RBM12: variants seen among roughly 807,000 people sequenced by gnomAD.
The protein encoded by RBM12 is RNA binding motif protein 12.
RBM12 carries 24 observed loss-of-function variants against 37.2 expected under a neutral mutation model. The observed-to-expected ratio is 0.65, with a 90% CI of 0.47 to 0.91. The LOEUF (loss-of-function observed/expected upper bound fraction) is 0.91, where lower values mean the gene tolerates loss of function less well. Ranked by LOEUF, RBM12 falls within the 40% of genes least tolerant of loss-of-function variation. The pLI, the probability that RBM12 is intolerant of heterozygous loss-of-function variation, is 0.00. For missense variants in RBM12, 1,061 were observed against 1,183.2 expected, an observed-to-expected ratio of 0.90 and a Z score of 1.52; for synonymous variants, 420 against 425.2, an observed-to-expected ratio of 0.99 and a Z score of 0.15.
chr20:35,658,802 AACACACAC>A (rs10542710), intron 2 of RBM12, 120 bp downstream of exon 2: 4,995 of 473,434 alleles, frequency 0.011, 24 homozygotes, highest in East Asian at 0.037. Context: ...AGCAAACAAA[AACACACAC>A]ACACACACAC....
In RBM12 at chr20:35,654,485, A is replaced by G. The variant is rs2033764356; in HGVS notation, c.838T>C (p.Leu280=). 6.2e-7 allele frequency: 1 copy of G among 1,614,206 alleles called. No homozygotes were observed. Among genetic ancestry groups the G allele is most frequent in the East Asian group, 2.2e-5 (1 of 44,878 alleles). ...NNLNPMFLGP[L]NPVNPIQMNS... The stretch of plus-strand genomic sequence containing the variant: ...ATCTGGATAGGGTTAACAGGATTCA[A>G]CGGACCAAGAAACATAGGATTCAGA... The change falls in exon 3 of 3, where the codon TTG becomes CTG. Residue 280 remains leucine, a synonymous_variant. Coordinates refer to ENST00000374114, the MANE Select transcript of RBM12 (RefSeq NM_006047.6).
At chr20:35,658,634 G>A (rs1254849408) in intron 2 of RBM12, among the ~76,000 whole-genome samples, 1 of 151,996 alleles carries the variant, frequency 6.6e-6, no homozygotes, top group Non-Finnish European at 1.5e-5. Context: ...GGTGGCAGGC[G>A]CCTGTAATCC....
chr20:35,654,636 A>C lies in RBM12; in HGVS notation c.687T>G (p.Val229=). The C allele has an allele frequency of 6.2e-7, 1 of 1,614,084 alleles. No homozygotes were observed. The highest frequency in any genetic ancestry group is 8.5e-7 in the Non-Finnish European group (1 of 1,179,988). The stretch of plus-strand genomic sequence containing the variant: ...GTGGGGTCATGGGTGGCACAGAAGG[A>C]ACTGGGGGAATCGGGGGCACAGGAG... ...PVPPVPPIPP[V]PSVPPMTPLP... is the part of the protein sequence containing the mutation. The change falls in exon 3 of 3, where the codon GTT becomes GTG. Residue 229 remains valine (V), a synonymous_variant. Coordinates refer to ENST00000374114, the MANE Select transcript of RBM12 (RefSeq NM_006047.6).
chr20:35,653,730 C>A lies in RBM12; in HGVS notation c.1593G>T (p.Met531Ile). The A allele has an allele frequency of 2.5e-6, 4 of 1,614,210 alleles. No individual in the cohort carries two copies. Among genetic ancestry groups the A allele is most frequent in the Non-Finnish European group, 3.4e-6 (4 of 1,180,040 alleles). The change falls in exon 3 of 3, where the codon ATG becomes ATT. Residue 531 changes from methionine to isoleucine, a missense_variant. By Grantham distance (10) the Met-to-Ile change is conservative. This residue lies in a region of RBM12 where 517 missense variants were observed against 534.0 expected (regional missense o/e 0.97). Transcript: ENST00000374114. ...TGACATCCCCCTCTGGATTTAGTAT[C>A]ATTTCCCTCTGGTCATAGCTGAAGT... is the stretch of plus-strand genomic sequence containing the variant. ...LQNFSYDQRE[M>I]ILNPEGDVNS...
chr20:35,649,760 A>T lies in RBM12; in HGVS notation c.*2764T>A, dbSNP rs997431664. The T allele has an allele frequency of 2.7e-5, 4 of 149,606 alleles. No homozygotes were observed. The South Asian group carries it at 6.3e-4, about 24-fold the overall frequency. 9.3% of individuals were successfully genotyped at this position (149,606 alleles called of 1,614,324 possible). ...AATCAAAAGAAAAATGAACACCAATAAAAAAAAAATCAGAAGGGAGAGGAA... is the reference window on the plus strand; with the variant it reads ...AATCAAAAGAAAAATGAACACCAATTAAAAAAAAATCAGAAGGGAGAGGAA... On this transcript the variant is annotated 3_prime_UTR_variant, in exon 3 of 3. Coordinates refer to ENST00000374114, the MANE Select transcript of RBM12 (RefSeq NM_006047.6).
At chr20:35,659,504 AT>A (rs2146372421) in intron 1 of RBM12, among the ~76,000 whole-genome samples, 1 of 152,354 alleles carries the variant, frequency 6.6e-6, no homozygotes, top group South Asian at 2.1e-4. Flanking sequence ...AATATATTTT[AT>A]TTTGCACAAA....
In RBM12 at chr20:35,654,759, T is replaced by C. The variant is rs765772567; in HGVS notation, c.564A>G (p.Pro188=). ...GCATCGCTGGAATTGGAGGAATTGGTGGCGGCGGGACTGTGTTCATTGGAG... is the reference window on the plus strand; with the variant it reads ...GCATCGCTGGAATTGGAGGAATTGGCGGCGGCGGGACTGTGTTCATTGGAG... The part of the protein sequence containing the change: ...TASPMNTVPP[P]PIPPIPAMPS... Residue 188 remains proline, a synonymous_variant, in exon 3 of 3, where the codon CCA becomes CCG. Coordinates refer to ENST00000374114, the MANE Select transcript of RBM12 (RefSeq NM_006047.6). 1.1e-5 allele frequency: 18 copies of C among 1,613,814 alleles called. No homozygotes were observed. Among genetic ancestry groups the C allele is most frequent in the Non-Finnish European group, 1.4e-5 (17 of 1,179,766 alleles).
In RBM12 at chr20:35,660,740, C is replaced by A. The variant is rs543611123; in HGVS notation, c.-107-1726G>T. The stretch of plus-strand genomic sequence containing the variant: ...CTAGAACTTGTAATAAACATCTGAT[C>A]CCTACTGGAGATTCCAATTCAAAAG... On this transcript the variant is annotated intron_variant, in intron 1 of 2. Coordinates refer to ENST00000374114, the MANE Select transcript of RBM12 (RefSeq NM_006047.6). Among the ~76,000 whole-genome samples, 14 of 152,264 alleles carry A rather than the reference C, an allele frequency of 9.2e-5. No homozygotes were observed. The South Asian group carries it at 2.9e-3, about 32-fold the overall frequency.
chr20:35,656,531 TTTTA>T (rs968063938), intron 2 of RBM12, among the ~76,000 whole-genome samples: 1 of 152,164 alleles, frequency 6.6e-6, no homozygotes, highest in African/African-American at 2.4e-5. Flanking sequence ...AAAAGTCAAC[TTTTA>T]TTTATTTATT....
At chr20:35,663,531 T>C (rs944079768) in intron 1 of RBM12, among the ~76,000 whole-genome samples, 1 of 152,180 alleles carries the variant, frequency 6.6e-6, no homozygotes, top group African/African-American at 2.4e-5. Context: ...TATTGAATAA[T>C]ATAAAACGGT....
rs1406889128 is a variant in RBM12, at chr20:35,651,514, T to A, written c.*1010A>T. 6.6e-6 allele frequency: 1 copy of A among 152,236 alleles called. No individual in the cohort carries two copies. Among genetic ancestry groups the A allele is most frequent in the Non-Finnish European group, 1.5e-5 (1 of 68,040 alleles). 9.4% of individuals were successfully genotyped at this position (152,236 alleles called of 1,614,324 possible). A position where few individuals can be genotyped will look rare whatever the true frequency, so the allele number is the denominator to read the frequency against. On this transcript the variant is annotated 3_prime_UTR_variant, in exon 3 of 3. Coordinates refer to ENST00000374114, the MANE Select transcript of RBM12 (RefSeq NM_006047.6). ...ACTACTACTGCTAACAAAGATAATT[T>A]CAACTTCAGTTTTAAAAACCTAGAT...
chr20:35,654,688 G>A lies in RBM12; in HGVS notation c.635C>T (p.Pro212Leu), dbSNP rs765751752. 1.1e-5 allele frequency: 18 copies of A among 1,613,582 alleles called. No homozygotes were observed. The highest frequency in any genetic ancestry group is 1.5e-5 in the Non-Finnish European group (18 of 1,179,660). ...CACAGGAGGCAATGTAGGTACTGGA[G>A]GAGGAACTGGAATTGGGGGAATGGA... ...MPSIPPIPVP[P>L]PVPTLPPVPP... The change falls in exon 3 of 3, where the codon CCT becomes CTT. Residue 212 changes from proline (P) to leucine (L), a missense_variant. Pro to Leu is a moderately conservative substitution (Grantham distance 98, BLOSUM62 -3). Around this residue, in one of 3 missense-constraint regions of RBM12, gnomAD observed 540 missense variants for 632.7 expected, o/e 0.85. Coordinates refer to ENST00000374114, the MANE Select transcript of RBM12 (RefSeq NM_006047.6).
rs887419536 is a variant in RBM12 at position 35,649,992 on chromosome 20, T to C, written c.*2532A>G. ...TCATTTCTACCCCAAACCTAGTTCT[T>C]AGGAGAAAATTCGCAGGAAGAGAGG... On this transcript the variant is annotated 3_prime_UTR_variant, in exon 3 of 3. Coordinates refer to ENST00000374114, the MANE Select transcript of RBM12 (RefSeq NM_006047.6). The C allele has an allele frequency of 6.6e-6, 1 of 152,598 alleles. No homozygotes were observed. The highest frequency in any genetic ancestry group is 2.4e-5 in the African/African-American group (1 of 41,444). 9.5% of individuals were successfully genotyped at this position (152,598 alleles called of 1,614,324 possible).
chr20:35,652,261 T>C lies in RBM12; in HGVS notation c.*263A>G. 2.9e-6 allele frequency: 1 copy of C among 343,464 alleles called. No homozygotes were observed. The allele number at this position is 343,464 out of a possible 1,614,324, so 21.3% of individuals were successfully genotyped here. On this transcript the variant is annotated 3_prime_UTR_variant, in exon 3 of 3. Transcript: ENST00000374114. The stretch of plus-strand genomic sequence containing the variant: ...CCTTGATAAGCTTTATGTGGTCATT[T>C]GAGTTTTACAAATGGTTTCTCTAAT...
chr20:35,649,586 A>C lies in RBM12; in HGVS notation c.*2938T>G, dbSNP rs561213997. ...ACACTGTTTCATTTTTTAAAAAGCC[A>C]CTAATAATAATTGTACATCCAAACT... On this transcript the variant is annotated 3_prime_UTR_variant, in exon 3 of 3. Coordinates refer to ENST00000374114, the MANE Select transcript of RBM12 (RefSeq NM_006047.6). The C allele has an allele frequency of 6.5e-6, 1 of 152,774 alleles. No individual in the cohort carries two copies. The highest frequency in any genetic ancestry group is 2.4e-5 in the African/African-American group (1 of 41,586). 9.5% of individuals were successfully genotyped at this position (152,774 alleles called of 1,614,324 possible). A position where few individuals can be genotyped will look rare whatever the true frequency, so the allele number is the denominator to read the frequency against.
intron 1 of RBM12, among the ~76,000 whole-genome samples, chr20:35,660,276 C>T (rs887064916): frequency 6.6e-6 from 1 of 152,082 alleles, no homozygotes; most frequent in South Asian, 2.1e-4. Flanking sequence ...GATCTAGGCT[C>T]ATTAGGCTCA....
intron 2 of RBM12, among the ~76,000 whole-genome samples, chr20:35,656,205 T>C (rs2033888033): frequency 6.6e-6 from 1 of 152,182 alleles, no homozygotes; most frequent in Non-Finnish European, 1.5e-5. Flanking sequence ...TATTTTCCCC[T>C]AGGAGAGGGC....
In RBM12 at chr20:35,658,840, A is replaced by C. The variant is rs1030909349; in HGVS notation, c.-23+90T>G. On this transcript the variant is annotated intron_variant, in intron 2 of 2. Coordinates refer to ENST00000374114, the MANE Select transcript of RBM12 (RefSeq NM_006047.6). ...ACACACACACACACACACACACACA[A>C]TATAGTTGCTACATATATTTTCATA... 3.2e-5 allele frequency: 21 copies of C among 649,424 alleles called. 1 individual carries two copies. Among genetic ancestry groups the C allele is most frequent in the African/African-American group, 1.8e-4 (9 of 51,192 alleles). The allele number at this position is 649,424 out of a possible 1,614,324, so 40.2% of individuals were successfully genotyped here. A position where few individuals can be genotyped will look rare whatever the true frequency, so the allele number is the denominator to read the frequency against.
At chr20:35,663,891 T>TA (rs1225752077) in intron 1 of RBM12, among the ~76,000 whole-genome samples, 4 of 152,062 alleles carry the variant, frequency 2.6e-5, no homozygotes, top group African/African-American at 9.7e-5. Flanking sequence ...GAAACTCAAT[T>TA]AACTCTCCAT....
Sources: allele counts gnomAD v4.1 joint callset (sites outside exome capture counted in the v4.1 genomes callset), GRCh38; gene constraint gnomAD v4.1.1; regional missense constraint gnomAD v4.1.1; transcripts MANE v1.5; gene names NCBI Gene and HGNC (gene_info 2026-07-23, HGNC 2026-07-21).